The following ATXN7L1 variants were observed in gnomAD, a reference collection of about 807,000 sequenced individuals.
The protein encoded by ATXN7L1 is ataxin-7-like protein 1.
In ATXN7L1, 15 loss-of-function variants were observed where a neutral mutation model predicts 70.8. That is an observed-to-expected ratio of 0.21 (90% confidence interval 0.14 to 0.33). The LOEUF (loss-of-function observed/expected upper bound fraction) is 0.33. Ranked by LOEUF, ATXN7L1 falls within the 10% of genes least tolerant of loss-of-function variation. The pLI is 1.00. For synonymous variants in ATXN7L1, 440 were observed against 445.1 expected (o/e 0.99, Z 0.14); for missense variants, 975 against 1,097.1 (o/e 0.89, Z 1.57).
chr7:105,757,932 G>A (rs937268559), intron 3 of ATXN7L1, among the ~76,000 whole-genome samples: 4 of 151,890 alleles, frequency 2.6e-5, no homozygotes, highest in African/African-American at 4.8e-5. Context: ...ACCCTGCCTG[G>A]GCCCTGGTAC....
chr7:105,758,845 C>G (rs188649999), intron 3 of ATXN7L1, among the ~76,000 whole-genome samples: 1 of 152,294 alleles, frequency 6.6e-6, no homozygotes, highest in Non-Finnish European at 1.5e-5. Flanking sequence ...CTGCTGATGA[C>G]ACTCAACATC....
chr7:105,633,035 A>G lies in ATXN7L1; in HGVS notation c.1202+5318T>C, dbSNP rs1196284430. Among the ~76,000 whole-genome samples the G allele has an allele frequency of 3.9e-5, 6 of 152,232 alleles. No individual in the cohort carries two copies. In the East Asian group the frequency reaches 9.6e-4, roughly 24 times the overall value. On this transcript the variant is annotated intron_variant, in intron 7 of 11. Coordinates refer to ENST00000419735, the MANE Select transcript of ATXN7L1 (RefSeq NM_020725.2). Reference sequence around the variant, plus strand: ...ACGTGTGCAAAGAAATGATAATCAGAAAAATATTAAACTTCTTGATAAAAT... The same window carrying G: ...ACGTGTGCAAAGAAATGATAATCAGGAAAATATTAAACTTCTTGATAAAAT...
Position 105,614,388 on chromosome 7 carries a change from G to A in ATXN7L1, c.1946C>T (p.Ser649Phe). ...SPSNKKRKPQ[S>F]STSSSSSSSS... Reference sequence around the variant, plus strand: ...GGAGGAGGAGGAGGAGGAAGTCGAAGACTGTGGCTTCCTTTTTTTGTTACT... The same window carrying A: ...GGAGGAGGAGGAGGAGGAAGTCGAAAACTGTGGCTTCCTTTTTTTGTTACT... Residue 649 changes from serine to phenylalanine, a missense_variant, in exon 10 of 12, where the codon TCT (serine) becomes TTT (phenylalanine). Ser to Phe is a radical substitution (Grantham distance 155). This residue lies in a region of ATXN7L1 where 635 missense variants were observed against 699.4 expected (regional missense o/e 0.91). Coordinates refer to ENST00000419735, the MANE Select transcript of ATXN7L1 (RefSeq NM_020725.2). The surrounding 1 kb of genome is among the most constrained non-coding windows in gnomAD (Gnocchi z 4.3). 2 of 1,552,348 alleles carry A rather than the reference G, an allele frequency of 1.3e-6. No individual in the cohort carries two copies. Among genetic ancestry groups the A allele is most frequent in the Non-Finnish European group, 1.7e-6 (2 of 1,147,118 alleles).
intron 2 of ATXN7L1, among the ~76,000 whole-genome samples, chr7:105,830,931 T>A (rs1811513212): frequency 1.3e-5 from 2 of 152,240 alleles, no homozygotes; most frequent in South Asian, 4.1e-4. Flanking sequence ...CATCTTCAAG[T>A]CCAGTGCTTC....
intron 2 of ATXN7L1, among the ~76,000 whole-genome samples, chr7:105,862,087 G>A (rs1816722651): frequency 6.6e-6 from 1 of 152,174 alleles, no homozygotes; most frequent in African/African-American, 2.4e-5. Flanking sequence ...CTGGGGACTT[G>A]GCTAACAGGG....
chr7:105,642,709 G>C (rs1010026571), intron 5 of ATXN7L1, 129 bp downstream of exon 5: 1 of 1,206,152 alleles, frequency 8.3e-7, no homozygotes, highest in African/African-American at 1.5e-5. Flanking sequence ...CCTGTTTGCA[G>C]GTAAACTCTG....
chr7:105,755,431 T>A (rs1397731428), intron 3 of ATXN7L1, among the ~76,000 whole-genome samples: 3 of 152,176 alleles, frequency 2.0e-5, no homozygotes, highest in African/African-American at 7.2e-5. Flanking sequence ...GGGAGCAATA[T>A]GGCTGCCATC....
chr7:105,791,395 G>A (rs1805212720), intron 2 of ATXN7L1, among the ~76,000 whole-genome samples: 1 of 152,206 alleles, frequency 6.6e-6, no homozygotes. Flanking sequence ...GCAGGCGGGA[G>A]GCCTGTGGGA....
intron 3 of ATXN7L1, among the ~76,000 whole-genome samples, chr7:105,673,769 C>T (rs1456911012): frequency 2.0e-5 from 3 of 152,224 alleles, no homozygotes; most frequent in South Asian, 2.1e-4. Flanking sequence ...GAAATGGAGA[C>T]AGACTGCATT....
chr7:105,662,593 T>C (rs1226684243), intron 4 of ATXN7L1, among the ~76,000 whole-genome samples: 1 of 152,226 alleles, frequency 6.6e-6, no homozygotes, highest in Non-Finnish European at 1.5e-5. Flanking sequence ...TTTGCTCTTT[T>C]ACAAGGAGAG....
Position 105,642,844 on chromosome 7 carries a change from G to C in ATXN7L1, c.856C>G (p.Leu286Val). Residue 286 changes from leucine to valine, a missense_variant, in exon 5 of 12, where the codon CTT (leucine) becomes GTT (valine). Coordinates refer to ENST00000419735, the MANE Select transcript of ATXN7L1 (RefSeq NM_020725.2). ...TKNSNKPYRR[L>V]SEREFDPNKH... Reference sequence around the variant, plus strand: ...TGACGACACTGACACATACCTGAAAGTCTCCTGTAAGGCTTGTTGCTGTTT... The same window carrying C: ...TGACGACACTGACACATACCTGAAACTCTCCTGTAAGGCTTGTTGCTGTTT... The C allele has an allele frequency of 6.4e-7, 1 of 1,550,978 alleles. No homozygotes were observed.
chr7:105,747,814 T>C (rs1257773894), intron 3 of ATXN7L1, among the ~76,000 whole-genome samples: 1 of 152,164 alleles, frequency 6.6e-6, no homozygotes, highest in Non-Finnish European at 1.5e-5. Context: ...AACTCCAACA[T>C]GTTTGGTCTT....
intron 2 of ATXN7L1, among the ~76,000 whole-genome samples, chr7:105,839,204 G>A (rs902798510): frequency 5.3e-5 from 8 of 151,612 alleles, no homozygotes; most frequent in South Asian, 2.1e-4. Flanking sequence ...GCTGAGAGAC[G>A]TTTTTAGGAA....
chr7:105,737,359 G>A (rs1448846694), intron 3 of ATXN7L1, among the ~76,000 whole-genome samples: 1 of 152,190 alleles, frequency 6.6e-6, no homozygotes, highest in Admixed American at 6.5e-5. Flanking sequence ...CAGAGCACAC[G>A]GTCCTAACTG....
chr7:105,665,009 G>T, intron 4 of ATXN7L1, 57 bp downstream of exon 4: 2 of 1,451,758 alleles, frequency 1.4e-6, no homozygotes, highest in South Asian at 1.2e-5. Flanking sequence ...ATTTCCCCAT[G>T]GTGACAGGAA....
intron 2 of ATXN7L1, among the ~76,000 whole-genome samples, chr7:105,811,970 A>G (rs1264082741): frequency 6.6e-6 from 1 of 152,132 alleles, no homozygotes; most frequent in Non-Finnish European, 1.5e-5. Flanking sequence ...TTGTCTTCAG[A>G]CAAATTGTCT....
chr7:105,789,521 G>C (rs923354573), intron 2 of ATXN7L1, among the ~76,000 whole-genome samples: 1 of 152,136 alleles, frequency 6.6e-6, no homozygotes, highest in African/African-American at 2.4e-5. Context: ...CTGAGGAGGG[G>C]GCAGGTCATC....
At chr7:105,749,923 C>A (rs920533688) in intron 3 of ATXN7L1, among the ~76,000 whole-genome samples, 1 of 151,930 alleles carries the variant, frequency 6.6e-6, no homozygotes, top group Non-Finnish European at 1.5e-5. Flanking sequence ...TGGGCACTTA[C>A]TGCCTAAAAA....
chr7:105,664,936 C>T (rs1218514893), intron 4 of ATXN7L1, 130 bp downstream of exon 4: 4 of 947,502 alleles, frequency 4.2e-6, no homozygotes, highest in Non-Finnish European at 6.3e-6. Flanking sequence ...TCTGTCCTTT[C>T]ATTCCTCAGT....
Sources: allele counts gnomAD v4.1 joint callset (sites outside exome capture counted in the v4.1 genomes callset), GRCh38; gene constraint gnomAD v4.1.1; regional missense constraint gnomAD v4.1.1; non-coding constraint Gnocchi (gnomAD v3.1); transcripts MANE v1.5; gene names NCBI Gene and HGNC (gene_info 2026-07-23, HGNC 2026-07-21).